The following ESRRG variants were observed in gnomAD, a reference collection of about 807,000 sequenced individuals.
The protein encoded by ESRRG is estrogen related receptor gamma, also known as estrogen-related receptor gamma.
Under a neutral mutation model 44.0 loss-of-function variants are expected in ESRRG, and 13 were observed. That is an observed-to-expected ratio of 0.30 (90% CI 0.19 to 0.47). ESRRG has a LOEUF of 0.47. Among genes scored for constraint, ESRRG ranks in the 20% least tolerant of loss-of-function variants. The pLI, the probability that ESRRG is intolerant of heterozygous loss-of-function variation, is 1.00. For synonymous variants in ESRRG, 215 were observed against 214.6 expected (o/e 1.00, Z -0.02); for missense variants, 395 against 580.6 (o/e 0.68, Z 3.29).
chr1:217,061,627 A>G (rs2088524191), intron 1 of ESRRG, among the ~76,000 whole-genome samples: 1 of 152,174 alleles, frequency 6.6e-6, no homozygotes, highest in African/African-American at 2.4e-5. Context: ...TATTACTCCA[A>G]GATAGTTTCT....
chr1:216,855,796 T>C (rs1218211215), intron 2 of ESRRG, among the ~76,000 whole-genome samples: 5 of 152,152 alleles, frequency 3.3e-5, no homozygotes, highest in African/African-American at 1.2e-4. Flanking sequence ...ACGACACGCC[T>C]TGTGACAGTT....
At chr1:216,990,603 T>C (rs1205744002) in intron 1 of ESRRG, among the ~76,000 whole-genome samples, 4 of 152,174 alleles carry the variant, frequency 2.6e-5, no homozygotes, top group Non-Finnish European at 5.9e-5. Flanking sequence ...CTCCTCAGCC[T>C]ACTCAATGTG....
At chr1:216,701,598 C>CA (rs1250031115) in intron 1 of ESRRG, 1 of 152,212 alleles carries the variant, frequency 6.6e-6, no homozygotes, top group Admixed American at 6.5e-5. Context: ...CATCCCAAAA[C>CA]AAAAGATCAC....
At chr1:216,871,226 A>G (rs1036335602) in intron 2 of ESRRG, among the ~76,000 whole-genome samples, 2 of 152,000 alleles carry the variant, frequency 1.3e-5, no homozygotes, top group African/African-American at 2.4e-5. Flanking sequence ...ATCCCCTGAG[A>G]CTTCATCTTT....
intron 2 of ESRRG, among the ~76,000 whole-genome samples, chr1:216,926,412 G>GAAAAAAAAAAAAAA (rs35546963): frequency 7.8e-6 from 1 of 127,890 alleles, no homozygotes. Flanking sequence ...TAACACCTAT[G>GAAAAAAAAAAAAAA]AAAAAAAAAA....
chr1:217,030,041 C>T (rs1307497563), intron 1 of ESRRG, among the ~76,000 whole-genome samples: 1 of 152,204 alleles, frequency 6.6e-6, no homozygotes, highest in Non-Finnish European at 1.5e-5. Context: ...CACTGTACTA[C>T]AGCCCTAGAT....
At chr1:217,074,822 A>G (rs2091074275) in intron 1 of ESRRG, among the ~76,000 whole-genome samples, 1 of 152,226 alleles carries the variant, frequency 6.6e-6, no homozygotes, top group Non-Finnish European at 1.5e-5. Context: ...TACAAAATGA[A>G]TCACCATCTC....
At chr1:216,723,943 G>A (rs1324256562), upstream of ESRRG, among the ~76,000 whole-genome samples, 1 of 152,038 alleles carries the variant, frequency 6.6e-6, no homozygotes, top group Non-Finnish European at 1.5e-5. Context: ...TTATTACACC[G>A]GGGGCCGCGG....
At chr1:217,004,926 G>T (rs914395902) in intron 1 of ESRRG, among the ~76,000 whole-genome samples, 4 of 152,112 alleles carry the variant, frequency 2.6e-5, no homozygotes, top group African/African-American at 9.7e-5. Flanking sequence ...ATACCTTTTA[G>T]TGGTTTCCCC....
At chr1:216,944,840 G>C (rs1210579632) in intron 1 of ESRRG, among the ~76,000 whole-genome samples, 1 of 152,092 alleles carries the variant, frequency 6.6e-6, no homozygotes, top group Non-Finnish European at 1.5e-5. Context: ...GAATAACAGA[G>C]ATCAACTCAC....
chr1:216,937,050 A>G (rs1399174015), intron 2 of ESRRG, among the ~76,000 whole-genome samples: 1 of 152,024 alleles, frequency 6.6e-6, no homozygotes, highest in Non-Finnish European at 1.5e-5. Flanking sequence ...TTCCCTTGTA[A>G]TTGGTACTTA....
At chr1:217,100,977 T>G (rs2092502388) in intron 1 of ESRRG, among the ~76,000 whole-genome samples, 2 of 152,210 alleles carry the variant, frequency 1.3e-5, no homozygotes, top group Admixed American at 6.5e-5. Context: ...CTCTAACATC[T>G]AATCATTCAT....
chr1:216,604,112 C>T (rs563915389), intron 3 of ESRRG, among the ~76,000 whole-genome samples: 56 of 152,202 alleles, frequency 3.7e-4, no homozygotes, highest in African/African-American at 1.3e-3. Flanking sequence ...GACAGTGAAT[C>T]GGAAACCACA....
rs1175950288 is a variant in ESRRG at position 217,032,509 on chromosome 1, A to C, written c.-106+56998T>G. 3.3e-5 allele frequency among the ~76,000 whole-genome samples: 5 copies of C among 152,216 alleles called. No homozygotes were observed. The South Asian group carries it at 8.3e-4, about 25-fold the overall frequency. ...AAGATGGATTTTTTAAAGTGTTTTAAATTGTTCAATGTTGTAACTGCTTGA... is the reference window on the plus strand; with the variant it reads ...AAGATGGATTTTTTAAAGTGTTTTACATTGTTCAATGTTGTAACTGCTTGA... On this transcript the variant is annotated intron_variant, in intron 1 of 7. Transcript: ENST00000359162.
intron 3 of ESRRG, among the ~76,000 whole-genome samples, chr1:216,638,357 C>A (rs1296850277): frequency 6.6e-6 from 1 of 151,478 alleles, no homozygotes; most frequent in Non-Finnish European, 1.5e-5. Context: ...GTAAACCTGA[C>A]AGTGAACTCT....
In ESRRG at chr1:216,789,111, C is replaced by T. The variant is rs143021141; in HGVS notation, c.-13-111620G>A. Reference sequence around the variant, plus strand: ...TATTCCATAAACTTAGATGATAAAGCAGCAGCAGGGTTGGAGAGGATTGAC... The same window carrying T: ...TATTCCATAAACTTAGATGATAAAGTAGCAGCAGGGTTGGAGAGGATTGAC... On this transcript the variant is annotated intron_variant, in intron 2 of 7. Transcript: ENST00000359162. 9.2e-5 allele frequency among the ~76,000 whole-genome samples: 14 copies of T among 152,256 alleles called. No homozygotes were observed. In the South Asian group the frequency reaches 1.5e-3, roughly 16 times the overall value.
chr1:216,623,187 A>G (rs1220786684), intron 3 of ESRRG, among the ~76,000 whole-genome samples: 1 of 137,758 alleles, frequency 7.3e-6, no homozygotes, highest in Non-Finnish European at 1.5e-5. Flanking sequence ...GGTTCACGCC[A>G]TTCTCCTGCC....
intron 1 of ESRRG, chr1:216,714,630 G>T: frequency 3.7e-6 from 3 of 802,772 alleles, no homozygotes; most frequent in Non-Finnish European, 4.5e-6. Context: ...TTAAAGTTTT[G>T]TTCACTATAA....
At chr1:216,705,209 T>C (rs1416496633) in intron 1 of ESRRG, among the ~76,000 whole-genome samples, 1 of 152,160 alleles carries the variant, frequency 6.6e-6, no homozygotes, top group African/African-American at 2.4e-5. Flanking sequence ...AAGACTTTCA[T>C]TTAATAGTTA....
Sources: gnomAD v4.1 joint callset for allele counts (sites outside exome capture counted in the v4.1 genomes callset) on GRCh38, gnomAD v4.1.1 for gene constraint, MANE v1.5 for transcripts, NCBI Gene and HGNC (gene_info 2026-07-23, HGNC 2026-07-21) for gene names.